AGBL4: variants seen among roughly 807,000 people sequenced by gnomAD.
The protein encoded by AGBL4 is AGBL carboxypeptidase 4.
In AGBL4, 58 loss-of-function variants were observed where a neutral mutation model predicts 66.4. The ratio of observed to expected loss-of-function variants is 0.87; its 90% confidence interval spans 0.71 to 1.09. AGBL4 has a LOEUF of 1.09. Among genes scored for constraint, AGBL4 ranks in the 50% least tolerant of loss-of-function variants. The probability of loss-of-function intolerance (pLI) is 0.00; values close to 1 mark genes in which losing one functional copy is unlikely to be tolerated. For missense variants in AGBL4, 579 were observed against 631.0 expected, an observed-to-expected ratio of 0.92 and a Z score of 0.88; for synonymous variants, 234 against 222.9, an observed-to-expected ratio of 1.05 and a Z score of -0.44.
At chr1:49,331,886 C>T (rs1319783300) in intron 3 of AGBL4, among the ~76,000 whole-genome samples, 1 of 151,904 alleles carries the variant, frequency 6.6e-6, no homozygotes, top group Non-Finnish European at 1.5e-5. Flanking sequence ...CCACCCTTAC[C>T]CATATTCTAG....
At chr1:49,167,751 T>G (rs980711750) in intron 4 of AGBL4, among the ~76,000 whole-genome samples, 1 of 152,230 alleles carries the variant, frequency 6.6e-6, no homozygotes, top group Admixed American at 6.5e-5. Flanking sequence ...TAGAGAATGT[T>G]GCGTACACCG....
At chr1:49,676,577 T>G (rs548694587) in intron 3 of AGBL4, among the ~76,000 whole-genome samples, 1 of 152,266 alleles carries the variant, frequency 6.6e-6, no homozygotes, top group East Asian at 1.9e-4. Flanking sequence ...TGTGTTACAC[T>G]GTTGCTTGTT....
At chr1:48,746,454 C>T (rs1390176048) in intron 6 of AGBL4, among the ~76,000 whole-genome samples, 1 of 152,212 alleles carries the variant, frequency 6.6e-6, no homozygotes, top group African/African-American at 2.4e-5. Context: ...TCAAGGCTCA[C>T]GAAGGTGTCC....
chr1:48,681,243 T>C (rs905204969), intron 6 of AGBL4, among the ~76,000 whole-genome samples: 1 of 152,222 alleles, frequency 6.6e-6, no homozygotes, highest in Non-Finnish European at 1.5e-5. Flanking sequence ...AAGGATATAT[T>C]GTATTTGAGG....
At chr1:48,810,691 T>C (rs1158724567) in intron 6 of AGBL4, among the ~76,000 whole-genome samples, 1 of 152,234 alleles carries the variant, frequency 6.6e-6, no homozygotes, top group South Asian at 2.1e-4. Flanking sequence ...AACAAATAAA[T>C]GAACTTTACT....
intron 5 of AGBL4, among the ~76,000 whole-genome samples, chr1:48,912,376 G>A (rs780068798): frequency 2.0e-5 from 3 of 152,150 alleles, no homozygotes; most frequent in Non-Finnish European, 4.4e-5. Context: ...GTTGGTTTGG[G>A]GTTAAATGAA....
intron 6 of AGBL4, among the ~76,000 whole-genome samples, chr1:48,836,462 C>T (rs910974809): frequency 3.3e-5 from 5 of 151,930 alleles, no homozygotes; most frequent in African/African-American, 9.7e-5. Flanking sequence ...AACATACTTG[C>T]GGGAATGATA....
intron 6 of AGBL4, among the ~76,000 whole-genome samples, chr1:48,734,983 C>T (rs1377247842): frequency 6.6e-6 from 1 of 152,206 alleles, no homozygotes; most frequent in Admixed American, 6.5e-5. Flanking sequence ...GTTCCTGGCT[C>T]TCCTCCCACT....
intron 3 of AGBL4, among the ~76,000 whole-genome samples, chr1:49,371,534 T>C (rs2148553887): frequency 6.6e-6 from 1 of 152,268 alleles, no homozygotes; most frequent in East Asian, 1.9e-4. Context: ...ATCCTCTTAC[T>C]CCATCATTAA....
chr1:49,117,684 G>T (rs1209649855), intron 4 of AGBL4, among the ~76,000 whole-genome samples: 2 of 152,160 alleles, frequency 1.3e-5, no homozygotes. Context: ...TTTTGCTTAG[G>T]ATTGTCTTGG....
intron 9 of AGBL4, among the ~76,000 whole-genome samples, chr1:48,595,839 C>T (rs989381928): frequency 2.6e-5 from 4 of 152,146 alleles, no homozygotes; most frequent in Non-Finnish European, 5.9e-5. Context: ...GATGTGGGGC[C>T]GTATCCTTCA....
chr1:49,648,568 T>C (rs996637420), intron 3 of AGBL4, among the ~76,000 whole-genome samples: 4 of 152,046 alleles, frequency 2.6e-5, no homozygotes, highest in African/African-American at 9.6e-5. Context: ...AGCTTATCAT[T>C]TTAAAACGAA....
intron 5 of AGBL4, among the ~76,000 whole-genome samples, chr1:48,990,990 T>C (rs1021623176): frequency 2.0e-5 from 3 of 152,118 alleles, no homozygotes; most frequent in African/African-American, 7.2e-5. Flanking sequence ...ACTTAAGATA[T>C]GAGTAGTTTA....
intron 1 of AGBL4, among the ~76,000 whole-genome samples, chr1:49,949,001 C>T (rs2148318075): frequency 6.6e-6 from 1 of 151,754 alleles, no homozygotes; most frequent in East Asian, 1.9e-4. Context: ...AAAATAGGCA[C>T]ATAGACCAAT....
intron 2 of AGBL4, among the ~76,000 whole-genome samples, chr1:49,819,202 A>G (rs1645305094): frequency 6.6e-6 from 1 of 152,198 alleles, no homozygotes; most frequent in African/African-American, 2.4e-5. Flanking sequence ...CTGAAAATAG[A>G]CGTGGCCATA....
rs531432775 is a variant in AGBL4, at chr1:49,174,934, G to C, written c.377+70836C>G. The C allele has an allele frequency of 2.6e-5, 4 of 152,182 alleles. No homozygotes were observed. The South Asian group carries it at 8.3e-4, about 32-fold the overall frequency. The allele number at this position is 152,182 out of a possible 1,614,324, so 9.4% of individuals were successfully genotyped here. On this transcript the variant is annotated intron_variant, in intron 4 of 13. Coordinates refer to ENST00000371839, the MANE Select transcript of AGBL4 (RefSeq NM_032785.4). The stretch of plus-strand genomic sequence containing the variant: ...GGAATACTGAATGTCTGAAGAGAGA[G>C]AAAACGTTATAAAATTATCCTTTCA...
rs867969745 is a variant in AGBL4 at position 49,948,549 on chromosome 1, A to T, written c.34+75214T>A. Among the ~76,000 whole-genome samples the T allele has an allele frequency of 7.0e-3, 848 of 121,256 alleles. 12 individuals are homozygous for T. The highest frequency in any genetic ancestry group is 0.026 in the Middle Eastern group (6 of 228). The allele number at this position is 121,256 out of a possible 152,430, so 79.5% of individuals were successfully genotyped here. On this transcript the variant is annotated intron_variant, in intron 1 of 13. Transcript: ENST00000371839. ...TAAATATATATAAATATATAAATAT[A>T]TATAAATATATAAAAATATATATAT... is the stretch of plus-strand genomic sequence containing the variant.
intron 4 of AGBL4, among the ~76,000 whole-genome samples, chr1:49,087,854 T>C (rs554039429): frequency 6.6e-6 from 1 of 152,264 alleles, no homozygotes; most frequent in South Asian, 2.1e-4. Context: ...GCAGGTCACC[T>C]AGAAAGGGAA....
At chr1:49,239,715 A>C (rs1421146168) in intron 4 of AGBL4, among the ~76,000 whole-genome samples, 1 of 152,156 alleles carries the variant, frequency 6.6e-6, no homozygotes, top group African/African-American at 2.4e-5. Context: ...TTATAAATAG[A>C]CATTTATTGA....
Sources: gnomAD v4.1 joint callset for allele counts (sites outside exome capture counted in the v4.1 genomes callset) on GRCh38, gnomAD v4.1.1 for gene constraint, MANE v1.5 for transcripts, NCBI Gene and HGNC (gene_info 2026-07-23, HGNC 2026-07-21) for gene names.